TPST2: variants seen among roughly 807,000 people sequenced by gnomAD.
TPST2 encodes the protein tyrosylprotein sulfotransferase 2, also known as protein-tyrosine sulfotransferase 2.
A neutral mutation model predicts 27.8 loss-of-function variants in TPST2; 16 were observed. That is an observed-to-expected ratio of 0.58 (90% CI 0.39 to 0.88). TPST2 has a LOEUF of 0.88. Among genes scored for constraint, TPST2 ranks in the 40% least tolerant of loss-of-function variants. The pLI, the probability that TPST2 is intolerant of heterozygous loss-of-function variation, is 0.00. For missense variants in TPST2, 464 were observed against 543.1 expected (o/e 0.85, Z 1.45); for synonymous variants, 229 against 231.7 (o/e 0.99, Z 0.10).
At chr22:26,588,101 T>C (rs1158313032) in intron 1 of TPST2, among the ~76,000 whole-genome samples, 1 of 151,624 alleles carries the variant, frequency 6.6e-6, no homozygotes, top group Non-Finnish European at 1.5e-5. Context: ...TAGTCAAAAG[T>C]TAGAAACAAC....
chr22:26,526,595 C>T (rs529366928), intron 6 of TPST2, among the ~76,000 whole-genome samples: 30 of 152,300 alleles, frequency 2.0e-4, no homozygotes, highest in Non-Finnish European at 4.1e-4. Context: ...ACTCTGTACC[C>T]AGGATTCAGC....
chr22:26,551,505 A>G (rs1219313615), intron 1 of TPST2, among the ~76,000 whole-genome samples: 2 of 152,200 alleles, frequency 1.3e-5, no homozygotes, highest in Non-Finnish European at 2.9e-5. Context: ...AGCTAGAAGG[A>G]AAACTCAAGT....
At chr22:26,539,969 G>C (rs1440905648) in intron 3 of TPST2, among the ~76,000 whole-genome samples, 1 of 152,154 alleles carries the variant, frequency 6.6e-6, no homozygotes, top group Non-Finnish European at 1.5e-5. Flanking sequence ...AAACTTGTTG[G>C]GGGCTTAACC....
chr22:26,571,699 T>C (rs760612050), intron 1 of TPST2, among the ~76,000 whole-genome samples: 4 of 152,140 alleles, frequency 2.6e-5, no homozygotes, highest in Non-Finnish European at 4.4e-5. Context: ...CATTTCAAAC[T>C]CAACACAATC....
At chr22:26,550,494 A>G in intron 1 of TPST2, 1 of 714,128 alleles carries the variant, frequency 1.4e-6, no homozygotes. Flanking sequence ...TCAGCAGATC[A>G]GGAGGTTCCC....
At position 26,524,046 on chromosome 22, in the gene TPST2, T is replaced by G. The variant is rs959547814; in HGVS notation, c.*2229A>C. ...TGTCGCCAGATTCTCAAAGGGACAG[T>G]GTCACACTTAACAGAGCAAGGAGAG... On this transcript the variant is annotated 3_prime_UTR_variant, in exon 7 of 7. Transcript: ENST00000338754. 2 of 152,140 alleles carry G rather than the reference T, an allele frequency of 1.3e-5. No individual in the cohort carries two copies. Among genetic ancestry groups the G allele is most frequent in the Non-Finnish European group, 2.9e-5 (2 of 68,018 alleles). 9.4% of individuals were successfully genotyped at this position (152,140 alleles called of 1,614,324 possible).
chr22:26,561,269 T>C (rs1289628255), intron 1 of TPST2, among the ~76,000 whole-genome samples: 4 of 152,248 alleles, frequency 2.6e-5, no homozygotes, highest in African/African-American at 9.6e-5. Context: ...CTGTGTAAGA[T>C]TTGTTTTTAA....
At chr22:26,570,016 AAAG>A (rs1279847594) in intron 1 of TPST2, among the ~76,000 whole-genome samples, 4 of 132,648 alleles carry the variant, frequency 3.0e-5, no homozygotes, top group African/African-American at 1.2e-4. Context: ...AGAAAGAAAG[AAAG>A]AAAGAAAGAA....
intron 1 of TPST2, among the ~76,000 whole-genome samples, chr22:26,545,779 G>C (rs1385563187): frequency 2.0e-5 from 3 of 152,174 alleles, no homozygotes; most frequent in African/African-American, 7.2e-5. Context: ...TAAAATGTCA[G>C]CTTTTTAAAT....
Position 26,541,352 on chromosome 22 carries a change from C to T in TPST2, c.279G>A (p.Glu93=), listed in dbSNP as rs1925809652. ...TGCGGGTCTCCTCGCCGCAGCGCAC[C>T]TCGGGGTGCGCGTCCAGCATGGCGC... ...LMRAMLDAHP[E]VRCGEETRII... Residue 93 remains glutamate (E), a synonymous_variant, in exon 3 of 7, where the codon GAG becomes GAA. Transcript: ENST00000338754. This position sits in a 1 kb window ranked among gnomAD's most constrained non-coding sequence, Gnocchi z 5.9. The T allele has an allele frequency of 6.4e-7, 1 of 1,552,546 alleles. No individual in the cohort carries two copies.
chr22:26,543,586 T>C (rs1321358490), intron 2 of TPST2, among the ~76,000 whole-genome samples: 2 of 152,114 alleles, frequency 1.3e-5, no homozygotes, highest in African/African-American at 2.4e-5. Flanking sequence ...GGATTACAGG[T>C]GTGAGCCACC....
chr22:26,532,567 C>G, intron 5 of TPST2, 128 bp downstream of exon 5: 1 of 1,066,128 alleles, frequency 9.4e-7, no homozygotes, highest in Non-Finnish European at 1.4e-6. Flanking sequence ...GCAGCCAGCT[C>G]ACATCCCCCT....
chr22:26,534,542 G>C (rs1282128409), intron 4 of TPST2, among the ~76,000 whole-genome samples: 1 of 152,194 alleles, frequency 6.6e-6, no homozygotes, highest in East Asian at 1.9e-4. Context: ...CTTTACTCCA[G>C]GAACGTCCGA....
In TPST2 at chr22:26,559,072, T is replaced by G. The variant is rs958655355; in HGVS notation, c.-160-14397A>C. ...TATCATATAACTCACCTATTTAAAGTGTACAGTTCATGGGCCCGGCGCGGT... is the reference window on the plus strand; with the variant it reads ...TATCATATAACTCACCTATTTAAAGGGTACAGTTCATGGGCCCGGCGCGGT... On this transcript the variant is annotated intron_variant, in intron 1 of 6. Coordinates refer to ENST00000338754, the MANE Select transcript of TPST2 (RefSeq NM_003595.5). Among the ~76,000 whole-genome samples, 3 of 152,266 alleles carry G rather than the reference T, an allele frequency of 2.0e-5. No homozygotes were observed. The South Asian group carries it at 6.2e-4, about 31-fold the overall frequency.
At chr22:26,532,143 G>A (rs1183065867) in intron 5 of TPST2, among the ~76,000 whole-genome samples, 1 of 152,046 alleles carries the variant, frequency 6.6e-6, no homozygotes, top group Non-Finnish European at 1.5e-5. Flanking sequence ...AAGTCCCCAC[G>A]AAGTCCCTCC....
intron 1 of TPST2, among the ~76,000 whole-genome samples, chr22:26,566,871 G>C (rs1927403048): frequency 6.6e-6 from 1 of 152,170 alleles, no homozygotes; most frequent in Admixed American, 6.5e-5. Flanking sequence ...GTCCATCTTG[G>C]AGTTTCTCAG....
In TPST2 at chr22:26,522,678, T is replaced by G. The variant is rs1924615542; in HGVS notation, c.*3597A>C. ...CTTTGCCAGTAGCGATGAAAACTGC[T>G]AACAGCCTAAGGGCCTAGCCAAAGT... On this transcript the variant is annotated 3_prime_UTR_variant, in exon 7 of 7. Coordinates refer to ENST00000338754, the MANE Select transcript of TPST2 (RefSeq NM_003595.5). 6.6e-6 allele frequency: 1 copy of G among 152,268 alleles called. No individual in the cohort carries two copies. The highest frequency in any genetic ancestry group is 2.4e-5 in the African/African-American group (1 of 41,460). 9.4% of individuals were successfully genotyped at this position (152,268 alleles called of 1,614,324 possible).
intron 1 of TPST2, chr22:26,555,450 T>C (rs1926743455): frequency 2.8e-6 from 1 of 354,190 alleles, no homozygotes; most frequent in South Asian, 2.1e-5. Context: ...AGTGACTTCT[T>C]GTCTCTGAGC....
chr22:26,564,218 G>T (rs527451890), intron 1 of TPST2, among the ~76,000 whole-genome samples: 1 of 152,306 alleles, frequency 6.6e-6, no homozygotes, highest in East Asian at 1.9e-4. Flanking sequence ...CCACAGCCTA[G>T]GTGTCTTCGT....
Sources: gnomAD v4.1 joint callset for allele counts (sites outside exome capture counted in the v4.1 genomes callset) on GRCh38, gnomAD v4.1.1 for gene constraint, Gnocchi (gnomAD v3.1) non-coding constraint, MANE v1.5 for transcripts, NCBI Gene and HGNC (gene_info 2026-07-23, HGNC 2026-07-21) for gene names.